Variants in CPLANE1 observed in about 807,000 individuals in gnomAD.
The protein encoded by CPLANE1 is ciliogenesis and planar polarity effector complex subunit 1.
Under a neutral mutation model 362.5 loss-of-function variants are expected in CPLANE1, and 263 were observed. The ratio of observed to expected loss-of-function variants is 0.73; its 90% CI spans 0.66 to 0.80. The LOEUF is 0.80. CPLANE1 is among the 30% of genes least tolerant of loss of function. CPLANE1 has a pLI of 0.00. For synonymous variants in CPLANE1, 1,212 were observed against 1,302.6 expected (o/e 0.93, Z 1.50); for missense variants, 3,461 against 3,793.4 (o/e 0.91, Z 2.30).
chr5:37,186,437 C>CTTTTTTTT, intron 23 of CPLANE1, 43 bp from the exon 24 acceptor site: 1 of 827,416 alleles, frequency 1.2e-6, no homozygotes, highest in Non-Finnish European at 2.1e-6. Flanking sequence ...AAACATCATT[C>CTTTTTTTT]TTTTTTTTTC....
chr5:37,208,929 T>C (rs140195285), intron 16 of CPLANE1, among the ~76,000 whole-genome samples: 2 of 143,412 alleles, frequency 1.4e-5, no homozygotes, highest in Admixed American at 1.4e-4. Flanking sequence ...TAAATCTGTT[T>C]CACAGATGAA....
At position 37,106,915 on chromosome 5, in the gene CPLANE1, T is replaced by C. The variant is rs1158222443; in HGVS notation, c.*687A>G. 1 of 985,232 alleles carries C rather than the reference T, an allele frequency of 1.0e-6. No homozygotes were observed. The highest frequency in any genetic ancestry group is 1.2e-6 in the Non-Finnish European group (1 of 829,844). 61.0% of individuals were successfully genotyped at this position (985,232 alleles called of 1,614,324 possible). A position where few individuals can be genotyped will look rare whatever the true frequency, so the allele number is the denominator to read the frequency against. On this transcript the variant is annotated 3_prime_UTR_variant, in exon 53 of 53. Coordinates refer to ENST00000651892, the MANE Select transcript of CPLANE1 (RefSeq NM_001384732.1). ...CACAATACCAAAAACTAATCAGGTCTCTGTACCATGGTTCTTACAAATTTA... is the reference window on the plus strand; with the variant it reads ...CACAATACCAAAAACTAATCAGGTCCCTGTACCATGGTTCTTACAAATTTA...
chr5:37,101,526 T>C (rs1757289999), downstream of CPLANE1, among the ~76,000 whole-genome samples: 1 of 152,228 alleles, frequency 6.6e-6, no homozygotes, highest in South Asian at 2.1e-4. Flanking sequence ...TTGAGAATTT[T>C]TGTATCAATG....
At chr5:37,104,754 A>C (rs369609820), downstream of CPLANE1, among the ~76,000 whole-genome samples, 297 of 151,314 alleles carry the variant, frequency 2.0e-3, 2 homozygotes, top group South Asian at 4.4e-3. Flanking sequence ...TAAAAAAAAA[A>C]ACACACACAC....
rs79314121 is a variant in CPLANE1, at chr5:37,163,546, T to A, written c.7588+727A>T. Among the ~76,000 whole-genome samples the A allele has an allele frequency of 6.6e-5, 10 of 152,258 alleles. No individual in the cohort carries two copies. The East Asian group carries it at 1.7e-3, about 26-fold the overall frequency. On this transcript the variant is annotated intron_variant, in intron 37 of 52. Coordinates refer to ENST00000651892, the MANE Select transcript of CPLANE1 (RefSeq NM_001384732.1). ...TCTCTGGGAGATCTCCCAGGAAGAC[T>A]AGGTAGAATAAGAAAGTATTAATTA...
rs560044439 is a variant in CPLANE1, at chr5:37,170,438, A to G, written c.6172-107T>C. ...CTACAATAGTCACACGTTTGTCTTAATATCTATGAGAATCATGAATGCTGA... is the reference window on the plus strand; with the variant it reads ...CTACAATAGTCACACGTTTGTCTTAGTATCTATGAGAATCATGAATGCTGA... On this transcript the variant is annotated intron_variant, in intron 32 of 52. Transcript: ENST00000651892. 1.5e-4 allele frequency: 179 copies of G among 1,190,918 alleles called. 1 individual carries two copies. The African/African-American group carries it at 2.5e-3, about 17-fold the overall frequency. 73.8% of individuals were successfully genotyped at this position (1,190,918 alleles called of 1,614,324 possible).
the CPLANE1 span, among the ~76,000 whole-genome samples, chr5:37,080,258 A>T: frequency 6.6e-6 from 1 of 152,230 alleles, no homozygotes; most frequent in Non-Finnish European, 1.5e-5. Context: ...AAGTCACATG[A>T]ATGCCTGGCT....
Position 37,173,787 on chromosome 5 carries a change from T to C in CPLANE1, c.6139A>G (p.Met2047Val). The C allele has an allele frequency of 6.2e-7, 1 of 1,614,148 alleles. No individual in the cohort carries two copies. Among genetic ancestry groups the C allele is most frequent in the Non-Finnish European group, 8.5e-7 (1 of 1,180,006 alleles). ...LPDCSESVRQ[M>V]LQDEMFKLVQ... ...AATTTAAACATTTCATCTTGCAGCA[T>C]CTGCCTAACGGACTCCGAACAATCT... Residue 2047 changes from methionine (M) to valine (V), a missense_variant, in exon 32 of 53, where the codon ATG becomes GTG. Transcript: ENST00000651892.
chr5:37,234,746 A>G (rs1341383870), intron 8 of CPLANE1, among the ~76,000 whole-genome samples: 2 of 152,176 alleles, frequency 1.3e-5, no homozygotes, highest in Non-Finnish European at 2.9e-5. Flanking sequence ...CGGCTATTAT[A>G]TTCAGAATGT....
At chr5:37,144,390 C>T (rs1770830913) in intron 43 of CPLANE1, among the ~76,000 whole-genome samples, 1 of 110,354 alleles carries the variant, frequency 9.1e-6, no homozygotes. Context: ...CAGAGTGAGA[C>T]TTTGTCTAAA....
In CPLANE1 at chr5:37,209,875, C is replaced by A. The variant is rs1792085109; in HGVS notation, c.2921-3450G>T. On this transcript the variant is annotated intron_variant, in intron 16 of 52. Coordinates refer to ENST00000651892, the MANE Select transcript of CPLANE1 (RefSeq NM_001384732.1). This position sits in a 1 kb window ranked among gnomAD's most constrained non-coding sequence, Gnocchi z 4.6. The stretch of plus-strand genomic sequence containing the variant: ...ACAAGTTCGACATTTAGCAGAGATT[C>A]TCTGGCTGAGAAGCTTCAGCTTATT... 2.8e-6 allele frequency: 4 copies of A among 1,419,376 alleles called. No homozygotes were observed. In the African/African-American group the frequency reaches 4.2e-5, roughly 15 times the overall value. 87.9% of individuals were successfully genotyped at this position (1,419,376 alleles called of 1,614,324 possible). A position where few individuals can be genotyped will look rare whatever the true frequency, so the allele number is the denominator to read the frequency against.
intron 46 of CPLANE1, chr5:37,138,385 T>A: frequency 3.1e-6 from 1 of 318,050 alleles, no homozygotes; most frequent in Non-Finnish European, 6.2e-6. Flanking sequence ...TCCATTTGCA[T>A]GATAGATCAG....
intron 38 of CPLANE1, among the ~76,000 whole-genome samples, chr5:37,160,582 G>C (rs1255318564): frequency 6.7e-6 from 1 of 149,562 alleles, no homozygotes; most frequent in African/African-American, 2.5e-5. Context: ...AAAAAAAAAT[G>C]TTTCTCAAAT....
Position 37,183,508 on chromosome 5 carries a change from A to T in CPLANE1, c.4673T>A (p.Leu1558Ter), listed in dbSNP as rs1298587616. Residue 1558 changes from leucine (L) to a stop codon, truncating the protein, a stop_gained, in exon 26 of 53, where the codon TTG becomes TAG. Transcript: ENST00000651892. LOFTEE classifies it high-confidence loss of function. ...DEYIKFLDLF[L>*]SYILERDLPY... is the part of the protein sequence containing the mutation. ...TAGGTCTCTTTCAAGAATGTAACTCAAAAACAGATCAAGGAATTTAATATA... is the reference window on the plus strand; with the variant it reads ...TAGGTCTCTTTCAAGAATGTAACTCTAAAACAGATCAAGGAATTTAATATA... 6.2e-7 allele frequency: 1 copy of T among 1,613,466 alleles called. No homozygotes were observed.
chr5:37,240,208 G>A (rs1800043722), intron 6 of CPLANE1, among the ~76,000 whole-genome samples: 1 of 152,066 alleles, frequency 6.6e-6, no homozygotes, highest in Non-Finnish European at 1.5e-5. Context: ...AAATTACCTG[G>A]GCATGGTGGA....
Position 37,169,210 on chromosome 5 carries a change from G to A in CPLANE1, c.6814C>T (p.Pro2272Ser). ...GGAGTAGTTTGTGCTGCTCTCTGTG[G>A]CAGAGCAGGTTGGAAGGAGTCAGAT... Reference protein sequence around the residue: ...GLSDSFQPALPQRAAQTTPAS... With the variant: ...GLSDSFQPALSQRAAQTTPAS... The change falls in exon 34 of 53, where the codon CCA becomes TCA. Residue 2272 changes from proline (P) to serine (S), a missense_variant. Transcript: ENST00000651892. 1 of 1,614,156 alleles carries A rather than the reference G, an allele frequency of 6.2e-7. No homozygotes were observed. The highest frequency in any genetic ancestry group is 1.3e-5 in the African/African-American group (1 of 75,036).
intron 24 of CPLANE1, among the ~76,000 whole-genome samples, chr5:37,185,911 C>T (rs1318440182): frequency 1.3e-5 from 2 of 152,152 alleles, no homozygotes; most frequent in African/African-American, 2.4e-5. Flanking sequence ...TCAACAAATA[C>T]TTGCAATATA....
In CPLANE1 at chr5:37,158,289, T is replaced by A. The variant is rs761247503; in HGVS notation, c.7747A>T (p.Lys2583Ter). Reference protein sequence around the residue: ...LLVPDVYLNLKLSSEMSEKPW... With the variant: ...LLVPDVYLNL ...TTCTCTGACATTTCACTGGAAAGCT[T>A]CAGATTTAGATAGACATCTGGGACC... Residue 2583 changes from lysine to a stop codon, truncating the protein, a stop_gained, in exon 39 of 53, where the codon AAG becomes TAG. Transcript: ENST00000651892. LOFTEE classifies it high-confidence loss of function. 1.9e-6 allele frequency: 3 copies of A among 1,613,924 alleles called. No homozygotes were observed. The highest frequency in any genetic ancestry group is 2.5e-6 in the Non-Finnish European group (3 of 1,179,912).
intron 32 of CPLANE1, 132 bp downstream of exon 32, chr5:37,173,623 G>A: frequency 1.3e-6 from 1 of 793,274 alleles, no homozygotes; most frequent in South Asian, 2.0e-5. Flanking sequence ...ACATTTGAAT[G>A]AAAAGTACCC....
Sources: gnomAD v4.1 joint callset for allele counts (sites outside exome capture counted in the v4.1 genomes callset) on GRCh38, gnomAD v4.1.1 for gene constraint, Gnocchi (gnomAD v3.1) non-coding constraint, MANE v1.5 for transcripts, NCBI Gene and HGNC (gene_info 2026-07-23, HGNC 2026-07-21) for gene names.